The following CCSER1 variants were observed in gnomAD, a reference collection of about 807,000 sequenced individuals.
CCSER1 encodes the protein coiled-coil serine rich protein 1.
In CCSER1, 41 loss-of-function variants were observed where a neutral mutation model predicts 82.0. The observed-to-expected ratio is 0.50, with a 90% CI of 0.39 to 0.65. The LOEUF is 0.65. Among genes scored for constraint, CCSER1 ranks in the 30% least tolerant of loss-of-function variants. The pLI, the probability that CCSER1 is intolerant of heterozygous loss-of-function variation, is 0.00. For missense variants in CCSER1, 1,119 were observed against 1,064.2 expected, an observed-to-expected ratio of 1.05 and a Z score of -0.72; for synonymous variants, 414 against 383.9, an observed-to-expected ratio of 1.08 and a Z score of -0.92.
chr4:91,206,857 A>G (rs1736391443), intron 10 of CCSER1, among the ~76,000 whole-genome samples: 1 of 151,876 alleles, frequency 6.6e-6, no homozygotes. Context: ...GATTTGGTAT[A>G]TGTTTTGTAC....
At chr4:90,764,096 C>A (rs1750823532) in intron 7 of CCSER1, among the ~76,000 whole-genome samples, 1 of 152,082 alleles carries the variant, frequency 6.6e-6, no homozygotes, top group Non-Finnish European at 1.5e-5. Context: ...AGGTTGTGTT[C>A]TCCTGTAATG....
chr4:91,466,179 G>A (rs937907868), intron 10 of CCSER1, among the ~76,000 whole-genome samples: 1 of 152,196 alleles, frequency 6.6e-6, no homozygotes, highest in African/African-American at 2.4e-5. Flanking sequence ...TTCATCCCTG[G>A]GATGCAAGGC....
intron 10 of CCSER1, among the ~76,000 whole-genome samples, chr4:91,149,923 G>A (rs1004823721): frequency 3.3e-5 from 5 of 152,124 alleles, no homozygotes; most frequent in Non-Finnish European, 4.4e-5. Context: ...GATGCCTCCA[G>A]CTTTGTTCTT....
chr4:91,158,139 T>C (rs1021613629), intron 10 of CCSER1, among the ~76,000 whole-genome samples: 1 of 152,042 alleles, frequency 6.6e-6, no homozygotes, highest in Non-Finnish European at 1.5e-5. Flanking sequence ...CAGTATTGAA[T>C]GCTTCTCACT....
At chr4:91,431,815 C>A (rs899237129) in intron 10 of CCSER1, among the ~76,000 whole-genome samples, 1 of 152,078 alleles carries the variant, frequency 6.6e-6, no homozygotes, top group South Asian at 2.1e-4. Context: ...TTGTCTAACA[C>A]CTTGTTATTT....
At chr4:90,498,707 G>A (rs924092379) in intron 5 of CCSER1, among the ~76,000 whole-genome samples, 2 of 152,090 alleles carry the variant, frequency 1.3e-5, no homozygotes, top group Non-Finnish European at 2.9e-5. Context: ...TCCCTGAAAT[G>A]AATCAAGGGA....
At chr4:91,339,813 A>G (rs1194240152) in intron 10 of CCSER1, among the ~76,000 whole-genome samples, 1 of 152,056 alleles carries the variant, frequency 6.6e-6, no homozygotes, top group Non-Finnish European at 1.5e-5. Context: ...CTTTACATGA[A>G]TACCTACGAC....
rs1279058431 is a variant in CCSER1 at position 90,628,153 on chromosome 4, C to G, written c.1853C>G (p.Ser618Cys). 5.0e-6 allele frequency: 8 copies of G among 1,613,746 alleles called. No individual in the cohort carries two copies. The highest frequency in any genetic ancestry group is 6.8e-6 in the Non-Finnish European group (8 of 1,179,798). ...GTGGAAGAAAACGGAGGCATAGATT[C>G]TCTGCCATTCAGACTGATGTTACAG... is the stretch of plus-strand genomic sequence containing the variant. Reference protein sequence around the residue: ...QGVEENGGIDSLPFRLMLQDC... With the variant: ...QGVEENGGIDCLPFRLMLQDC... Residue 618 changes from serine to cysteine, a missense_variant, in exon 6 of 11, where the codon TCT (serine) becomes TGT (cysteine). Coordinates refer to ENST00000509176, the MANE Select transcript of CCSER1 (RefSeq NM_001145065.2).
chr4:90,898,640 G>A (rs1050081170), intron 8 of CCSER1, among the ~76,000 whole-genome samples: 1 of 151,574 alleles, frequency 6.6e-6, no homozygotes, highest in Non-Finnish European at 1.5e-5. Flanking sequence ...GAGAAGTAAG[G>A]GTCCAGTTTA....
At chr4:90,869,150 T>C (rs6819492) in intron 8 of CCSER1, among the ~76,000 whole-genome samples, 40,429 of 151,894 alleles carry the variant, frequency 0.27, 5,964 homozygotes, top group African/African-American at 0.38. Context: ...TCCCATTCTG[T>C]AGTTGTCTGT....
chr4:91,545,294 G>A (rs113241137), intron 10 of CCSER1, among the ~76,000 whole-genome samples: 31,009 of 151,936 alleles, frequency 0.2, 3,770 homozygotes, highest in Middle Eastern at 0.31. Flanking sequence ...GTGATGCCCC[G>A]CCCTGCTTCG....
At chr4:91,282,510 C>G (rs578210985) in intron 10 of CCSER1, among the ~76,000 whole-genome samples, 1 of 152,124 alleles carries the variant, frequency 6.6e-6, no homozygotes, top group Non-Finnish European at 1.5e-5. Flanking sequence ...ACTCACAAGT[C>G]GCTCTTCAGA....
chr4:91,170,979 C>G (rs1304129109), intron 10 of CCSER1, among the ~76,000 whole-genome samples: 1 of 152,172 alleles, frequency 6.6e-6, no homozygotes, highest in Non-Finnish European at 1.5e-5. Flanking sequence ...GCCACATGTC[C>G]TCTCCTGATT....
chr4:91,136,994 G>A (rs11097302), intron 10 of CCSER1, among the ~76,000 whole-genome samples: 1 of 151,598 alleles, frequency 6.6e-6, no homozygotes, highest in Non-Finnish European at 1.5e-5. Context: ...AGTGATTATA[G>A]AAATGTTTAT....
chr4:90,614,738 A>G (rs537080776), intron 5 of CCSER1, among the ~76,000 whole-genome samples: 29 of 152,332 alleles, frequency 1.9e-4, no homozygotes, highest in Middle Eastern at 3.4e-3. Flanking sequence ...GAGAGAAGCT[A>G]TCTCCATAAA....
intron 10 of CCSER1, among the ~76,000 whole-genome samples, chr4:91,144,348 CTTT>C (rs972493807): frequency 2.0e-5 from 3 of 148,732 alleles, no homozygotes. Context: ...TTGGATCTCT[CTTT>C]TTTTCTCTGT....
chr4:90,924,944 C>T (rs1436764637), intron 9 of CCSER1, among the ~76,000 whole-genome samples: 1 of 152,152 alleles, frequency 6.6e-6, no homozygotes, highest in Non-Finnish European at 1.5e-5. Flanking sequence ...TCAGGTTAGT[C>T]TCGAACTCCT....
chr4:90,426,307 T>C (rs1485032905), intron 4 of CCSER1, among the ~76,000 whole-genome samples: 2 of 152,218 alleles, frequency 1.3e-5, no homozygotes, highest in South Asian at 4.1e-4. Flanking sequence ...ATTTGAAGTA[T>C]TAATATTTGT....
chr4:90,152,057 T>C (rs975743512), intron 1 of CCSER1, among the ~76,000 whole-genome samples: 1 of 152,198 alleles, frequency 6.6e-6, no homozygotes, highest in Non-Finnish European at 1.5e-5. Flanking sequence ...CATATCATTT[T>C]AAAATGTTTT....
Sources: gnomAD v4.1 joint callset for allele counts (sites outside exome capture counted in the v4.1 genomes callset) on GRCh38, gnomAD v4.1.1 for gene constraint, MANE v1.5 for transcripts, NCBI Gene and HGNC (gene_info 2026-07-23, HGNC 2026-07-21) for gene names.